The following DSCAM variants were observed in gnomAD, a reference collection of about 807,000 sequenced individuals.
DSCAM encodes the protein cell adhesion molecule DSCAM.
In DSCAM, 47 loss-of-function variants were observed where a neutral mutation model predicts 217.7. That is an observed-to-expected ratio of 0.22 (90% CI 0.17 to 0.28). The LOEUF (loss-of-function observed/expected upper bound fraction) is 0.28, where lower values mean the gene tolerates loss of function less well. DSCAM is among the 10% of genes least tolerant of loss of function. DSCAM has a pLI of 1.00. For synonymous variants in DSCAM, 1,056 were observed against 1,015.3 expected (o/e 1.04, Z -0.76); for missense variants, 2,080 against 2,618.3 (o/e 0.79, Z 4.49).
intron 8 of DSCAM, among the ~76,000 whole-genome samples, chr21:40,335,432 T>C (rs1233115292): frequency 6.6e-6 from 1 of 152,202 alleles, no homozygotes; most frequent in Non-Finnish European, 1.5e-5. Context: ...GGCCATAAGC[T>C]AGTTTGAGTT....
intron 3 of DSCAM, among the ~76,000 whole-genome samples, chr21:40,636,512 G>A (rs11088524): frequency 0.16 from 24,491 of 151,902 alleles, 2,160 homozygotes; most frequent in Admixed American, 0.24. Flanking sequence ...CTCTCTTTCC[G>A]AAAATGTGAG....
chr21:40,031,493 C>G (rs902683226), intron 32 of DSCAM, among the ~76,000 whole-genome samples: 9 of 152,336 alleles, frequency 5.9e-5, no homozygotes, highest in Non-Finnish European at 1.2e-4. Context: ...ACACTCCTCA[C>G]AGTCTCATTC....
intron 16 of DSCAM, among the ~76,000 whole-genome samples, chr21:40,164,659 G>A (rs2090574799): frequency 6.6e-6 from 1 of 151,978 alleles, no homozygotes; most frequent in Admixed American, 6.6e-5. Context: ...AAAAGTAGCT[G>A]GGTGTGGTGG....
At chr21:40,401,245 C>T (rs1458309093) in intron 3 of DSCAM, among the ~76,000 whole-genome samples, 2 of 152,216 alleles carry the variant, frequency 1.3e-5, no homozygotes. Flanking sequence ...AGCTCAACCA[C>T]TCAAATGCTT....
At chr21:40,556,345 T>C (rs2076671620) in intron 3 of DSCAM, among the ~76,000 whole-genome samples, 1 of 152,170 alleles carries the variant, frequency 6.6e-6, no homozygotes, top group African/African-American at 2.4e-5. Flanking sequence ...TTAACACATA[T>C]TTTGTATGTT....
chr21:40,796,040 A>T (rs2091688611), intron 1 of DSCAM, among the ~76,000 whole-genome samples: 1 of 152,244 alleles, frequency 6.6e-6, no homozygotes, highest in Non-Finnish European at 1.5e-5. Flanking sequence ...TATCCATTTT[A>T]GCTTATTCAA....
At chr21:40,205,824 A>G (rs2146867198) in intron 11 of DSCAM, among the ~76,000 whole-genome samples, 1 of 152,316 alleles carries the variant, frequency 6.6e-6, no homozygotes, top group Non-Finnish European at 1.5e-5. Context: ...TGTTTCAAAA[A>G]CATTCAAGGA....
rs2091339586 is a variant in DSCAM, at chr21:40,761,945, GA to G, written c.44-53175del. ...AAGATACAGTGTACCAGAATATCTG[GA>G]ACACAGCTAAGGCAGTGTTTACAGG... On this transcript the variant is annotated intron_variant, in intron 1 of 32. Coordinates refer to ENST00000400454, the MANE Select transcript of DSCAM (RefSeq NM_001389.5). 2.0e-5 allele frequency among the ~76,000 whole-genome samples: 3 copies of G among 152,254 alleles called. No individual in the cohort carries two copies. The South Asian group carries it at 6.2e-4, about 32-fold the overall frequency.
chr21:40,596,353 T>C (rs2077021335), intron 3 of DSCAM, among the ~76,000 whole-genome samples: 1 of 152,236 alleles, frequency 6.6e-6, no homozygotes, highest in African/African-American at 2.4e-5. Flanking sequence ...TTTTAAAGCA[T>C]ATTAGAGCCC....
In DSCAM at chr21:40,012,907, C is replaced by CTTTT. The variant is rs11451228; in HGVS notation, c.*123_*126dup. 6.3e-4 allele frequency: 350 copies of CTTTT among 552,896 alleles called. No homozygotes were observed. The highest frequency in any genetic ancestry group is 1.1e-3 in the African/African-American group (52 of 49,430). The allele number at this position is 552,896 out of a possible 1,614,324, so 34.2% of individuals were successfully genotyped here. ...ACTGTCTGTGGTTTCAGTATTTTCT[C>CTTTT]TTTTTTTTTTTTAATATATTTTGGC... On this transcript the variant is annotated 3_prime_UTR_variant, in exon 33 of 33. Transcript: ENST00000400454.
intron 3 of DSCAM, among the ~76,000 whole-genome samples, chr21:40,561,110 A>G (rs939078575): frequency 6.6e-6 from 1 of 152,218 alleles, no homozygotes; most frequent in Admixed American, 6.5e-5. Flanking sequence ...AATATTACCA[A>G]TATTAAATAG....
intron 3 of DSCAM, among the ~76,000 whole-genome samples, chr21:40,622,260 G>A (rs2089530281): frequency 1.4e-5 from 2 of 141,336 alleles, no homozygotes; most frequent in Admixed American, 7.4e-5. Flanking sequence ...AAGGATTTGA[G>A]TGTCCGCCCC....
chr21:40,319,028 G>T (rs181736311), intron 8 of DSCAM, among the ~76,000 whole-genome samples: 2 of 152,248 alleles, frequency 1.3e-5, no homozygotes, highest in Admixed American at 1.3e-4. Flanking sequence ...TTAAAGAACT[G>T]TGTCTTGGGC....
At chr21:40,365,743 T>C (rs915682114) in intron 4 of DSCAM, among the ~76,000 whole-genome samples, 1 of 152,188 alleles carries the variant, frequency 6.6e-6, no homozygotes, top group African/African-American at 2.4e-5. Flanking sequence ...AACTCACTTC[T>C]TGTGGCTGTT....
intron 11 of DSCAM, among the ~76,000 whole-genome samples, chr21:40,249,934 A>G (rs896031811): frequency 6.6e-6 from 1 of 152,170 alleles, no homozygotes; most frequent in Admixed American, 6.5e-5. Context: ...CACTATTCCA[A>G]GTGGAAGGAA....
At chr21:40,428,981 T>G (rs1385629996) in intron 3 of DSCAM, among the ~76,000 whole-genome samples, 1 of 152,142 alleles carries the variant, frequency 6.6e-6, no homozygotes, top group Non-Finnish European at 1.5e-5. Context: ...CATGGCACTT[T>G]TGACAGCCCC....
chr21:40,668,355 T>C (rs2090228387), intron 3 of DSCAM, among the ~76,000 whole-genome samples: 1 of 152,218 alleles, frequency 6.6e-6, no homozygotes, highest in African/African-American at 2.4e-5. Flanking sequence ...TGCAGGGAAG[T>C]GGTCTTCAGT....
intron 25 of DSCAM, 92 bp from the exon 26 acceptor site, chr21:40,079,069 C>A: frequency 2.1e-6 from 3 of 1,445,588 alleles, no homozygotes; most frequent in South Asian, 2.7e-5. Flanking sequence ...CTTCCTCCAG[C>A]GAGGCCAGGA....
At chr21:40,385,084 A>G (rs2075069728) in intron 3 of DSCAM, 1 of 152,050 alleles carries the variant, frequency 6.6e-6, no homozygotes, top group Non-Finnish European at 1.5e-5. Context: ...TCGACTTTTT[A>G]TTTTATTACA....
Sources: allele counts gnomAD v4.1 joint callset (sites outside exome capture counted in the v4.1 genomes callset), GRCh38; gene constraint gnomAD v4.1.1; transcripts MANE v1.5; gene names NCBI Gene and HGNC (gene_info 2026-07-23, HGNC 2026-07-21).